TMEM68: variants seen among roughly 807,000 people sequenced by gnomAD.
The protein encoded by TMEM68 is DGAT1/2-independent enzyme synthesizing storage lipids.
Under a neutral mutation model 36.9 loss-of-function variants are expected in TMEM68, and 25 were observed. That is an observed-to-expected ratio of 0.68 (90% confidence interval 0.49 to 0.95). The LOEUF is 0.95. Among genes scored for constraint, TMEM68 ranks in the 40% least tolerant of loss-of-function variants. The probability of loss-of-function intolerance (pLI) is 0.00; values close to 1 mark genes in which losing one functional copy is unlikely to be tolerated. For missense variants in TMEM68, 333 were observed against 392.0 expected, an observed-to-expected ratio of 0.85 and a Z score of 1.27; for synonymous variants, 131 against 124.4, an observed-to-expected ratio of 1.05 and a Z score of -0.35.
intron 5 of TMEM68, among the ~76,000 whole-genome samples, chr8:55,749,650 C>CCTGTG (rs1435872942): frequency 6.6e-6 from 1 of 152,238 alleles, no homozygotes; most frequent in African/African-American, 2.4e-5. Context: ...TCCCTTCCAT[C>CCTGTG]CCTCCATCTC....
At chr8:55,747,687 C>T (rs1237235000) in intron 5 of TMEM68, 1 of 151,956 alleles carries the variant, frequency 6.6e-6, no homozygotes, top group Non-Finnish European at 1.5e-5. Flanking sequence ...ACACTGAATT[C>T]TTCAGTAAAA....
intron 1 of TMEM68, among the ~76,000 whole-genome samples, chr8:55,765,009 T>C (rs1223890712): frequency 6.6e-6 from 1 of 151,858 alleles, no homozygotes; most frequent in Non-Finnish European, 1.5e-5. Flanking sequence ...GAGGCGGAGG[T>C]TGCAGCGAGC....
chr8:55,762,695 A>G lies in TMEM68; in HGVS notation c.265T>C (p.Trp89Arg). 1.2e-6 allele frequency: 2 copies of G among 1,614,224 alleles called. No individual in the cohort carries two copies. Among genetic ancestry groups the G allele is most frequent in the African/African-American group, 1.3e-5 (1 of 75,066 alleles). Residue 89 changes from tryptophan (W) to arginine (R), a missense_variant, in exon 3 of 8, where the codon TGG becomes CGG. Coordinates refer to ENST00000434581, the MANE Select transcript of TMEM68 (RefSeq NM_001286657.2). The part of the protein sequence containing the change: ...VLKEAYSHNL[W>R]DGARKTVATL... ...GCCACTGTTTTCCTTGCACCATCCC[A>G]TAAATTATGAGAGTAGGCTTCTTTC...
intron 4 of TMEM68, among the ~76,000 whole-genome samples, chr8:55,754,732 ATACT>A (rs1459742303): frequency 1.2e-4 from 15 of 123,444 alleles, no homozygotes; most frequent in Non-Finnish European, 1.6e-4. Context: ...TATAAAATAC[ATACT>A]TATATATATA....
chr8:55,752,721 CTTTTTTTTTT>C (rs61195952), intron 4 of TMEM68, among the ~76,000 whole-genome samples: 3 of 102,756 alleles, frequency 2.9e-5, no homozygotes, highest in Non-Finnish European at 5.9e-5. Flanking sequence ...TATAGGATCC[CTTTTTTTTTT>C]TTTTTTTTTT....
intron 4 of TMEM68, 31 bp downstream of exon 4, chr8:55,756,213 T>G (rs1395793138): frequency 6.4e-7 from 1 of 1,571,262 alleles, no homozygotes; most frequent in Non-Finnish European, 8.6e-7. Context: ...AATAAAACAT[T>G]TTTACATTAC....
intron 3 of TMEM68, chr8:55,761,220 T>C (rs970440326): frequency 2.0e-5 from 3 of 152,272 alleles, no homozygotes; most frequent in Admixed American, 6.5e-5. Flanking sequence ...ATTACCACTC[T>C]AGTCCAACAT....
chr8:55,758,239 G>T (rs1212823312), intron 3 of TMEM68, among the ~76,000 whole-genome samples: 1 of 152,182 alleles, frequency 6.6e-6, no homozygotes, highest in African/African-American at 2.4e-5. Context: ...CTGTAGCGCA[G>T]CAATAAAAGC....
chr8:55,770,361 C>G (rs1465448824), intron 1 of TMEM68, among the ~76,000 whole-genome samples: 1 of 152,196 alleles, frequency 6.6e-6, no homozygotes, highest in African/African-American at 2.4e-5. Flanking sequence ...TAACTGACTT[C>G]TTATCACTTT....
intron 3 of TMEM68, among the ~76,000 whole-genome samples, chr8:55,757,095 A>G (rs1810629700): frequency 6.6e-6 from 1 of 152,202 alleles, no homozygotes; most frequent in Non-Finnish European, 1.5e-5. Context: ...GGTTGAAAAC[A>G]TTAAAAATAC....
At chr8:55,743,451 C>A in intron 7 of TMEM68, 30 bp downstream of exon 7, 1 of 1,512,492 alleles carries the variant, frequency 6.6e-7, no homozygotes, top group South Asian at 1.3e-5. Flanking sequence ...AAAAATCTGT[C>A]CTAAAACTAA....
At chr8:55,759,354 T>C (rs1173553458) in intron 3 of TMEM68, among the ~76,000 whole-genome samples, 1 of 151,496 alleles carries the variant, frequency 6.6e-6, no homozygotes, top group East Asian at 1.9e-4. Flanking sequence ...GAGGATCACC[T>C]GAGGTCAGGA....
At chr8:55,742,840 G>T in intron 7 of TMEM68, among the ~76,000 whole-genome samples, 1 of 150,368 alleles carries the variant, frequency 6.7e-6, no homozygotes. Flanking sequence ...CTCTCTGAAA[G>T]TATAATTATG....
At chr8:55,743,285 C>T (rs772928993) in intron 7 of TMEM68, among the ~76,000 whole-genome samples, 196 bp downstream of exon 7, 6 of 152,176 alleles carry the variant, frequency 3.9e-5, no homozygotes, top group South Asian at 4.1e-4. Flanking sequence ...ACTCCCCTCA[C>T]GGCCCCAACT....
intron 1 of TMEM68, among the ~76,000 whole-genome samples, chr8:55,769,701 C>T (rs1407996320): frequency 2.6e-5 from 4 of 151,938 alleles, no homozygotes; most frequent in Non-Finnish European, 5.9e-5. Flanking sequence ...GGCTCGATTT[C>T]AGCTCACTGC....
At chr8:55,752,096 T>C (rs2129951617) in intron 4 of TMEM68, among the ~76,000 whole-genome samples, 1 of 151,748 alleles carries the variant, frequency 6.6e-6, no homozygotes, top group South Asian at 2.1e-4. Flanking sequence ...GTAATCCAGC[T>C]ACTCAGGAGG....
intron 2 of TMEM68, 138 bp from the exon 3 acceptor site, chr8:55,763,166 T>G (rs1810854751): frequency 2.2e-6 from 1 of 462,374 alleles, no homozygotes; most frequent in African/African-American, 2.0e-5. Flanking sequence ...TGTTGCAGAT[T>G]TAAATGTGAA....
At chr8:55,749,745 T>G (rs1281113476) in intron 5 of TMEM68, among the ~76,000 whole-genome samples, 1 of 152,182 alleles carries the variant, frequency 6.6e-6, no homozygotes, top group African/African-American at 2.4e-5. Context: ...GATAAAGTGT[T>G]TAAAAGTGCT....
In TMEM68 at chr8:55,762,686, C is replaced by G. The variant is rs761310311; in HGVS notation, c.274G>C (p.Ala92Pro). Residue 92 changes from alanine (A) to proline (P), a missense_variant, in exon 3 of 8, where the codon GCA (alanine) becomes CCA (proline). Physicochemically the swap from Ala to Pro is conservative, Grantham distance 27. Transcript: ENST00000434581. ...EAYSHNLWDG[A>P]RKTVATLWDG... Reference sequence around the variant, plus strand: ...CACAGAGTTGCCACTGTTTTCCTTGCACCATCCCATAAATTATGAGAGTAG... The same window carrying G: ...CACAGAGTTGCCACTGTTTTCCTTGGACCATCCCATAAATTATGAGAGTAG... 1 of 1,614,108 alleles carries G rather than the reference C, an allele frequency of 6.2e-7. No individual in the cohort carries two copies. Among genetic ancestry groups the G allele is most frequent in the Non-Finnish European group, 8.5e-7 (1 of 1,180,048 alleles).
Sources: gnomAD v4.1 joint callset for allele counts (sites outside exome capture counted in the v4.1 genomes callset) on GRCh38, gnomAD v4.1.1 for gene constraint, MANE v1.5 for transcripts, NCBI Gene and HGNC (gene_info 2026-07-23, HGNC 2026-07-21) for gene names.